The following SGK1 variants were observed in gnomAD, a reference collection of about 807,000 sequenced individuals.
The protein encoded by SGK1 is serine/threonine-protein kinase Sgk1.
In SGK1, 26 loss-of-function variants were observed where a neutral mutation model predicts 64.2. That is an observed-to-expected ratio of 0.40 (90% CI 0.30 to 0.56). The LOEUF (loss-of-function observed/expected upper bound fraction) is 0.56. Ranked by LOEUF, SGK1 falls within the 20% of genes least tolerant of loss-of-function variation. The pLI is 0.38. For synonymous variants in SGK1, 265 were observed against 239.7 expected (o/e 1.11, Z -0.98); for missense variants, 519 against 645.6 (o/e 0.80, Z 2.12).
intron 3 of SGK1, chr6:134,177,559 C>T (rs967718369): frequency 3.1e-5 from 26 of 827,688 alleles, no homozygotes; most frequent in Non-Finnish European, 5.1e-5. Flanking sequence ...AAGAAACCTA[C>T]AACCAGAGAC....
chr6:134,263,284 T>G (rs1776794741), intron 1 of SGK1, among the ~76,000 whole-genome samples: 1 of 152,188 alleles, frequency 6.6e-6, no homozygotes, highest in Non-Finnish European at 1.5e-5. Context: ...TCACCCAGGA[T>G]GGAATGCAGT....
At chr6:134,309,357 G>GTCC (rs1248917620) in intron 1 of SGK1, among the ~76,000 whole-genome samples, 2 of 152,128 alleles carry the variant, frequency 1.3e-5, no homozygotes, top group Non-Finnish European at 2.9e-5. Flanking sequence ...TGCTTTTCCT[G>GTCC]TCCTCCTCCT....
chr6:134,274,840 C>T (rs879831208), intron 1 of SGK1, among the ~76,000 whole-genome samples: 2 of 151,724 alleles, frequency 1.3e-5, no homozygotes, highest in Non-Finnish European at 2.9e-5. Context: ...GAGTCTCACT[C>T]TGTCACCCAG....
chr6:134,178,211 G>A (rs558233929), intron 3 of SGK1, among the ~76,000 whole-genome samples: 1 of 152,326 alleles, frequency 6.6e-6, no homozygotes, highest in East Asian at 1.9e-4. Flanking sequence ...AACGTCTGAT[G>A]TGCTCCTTCC....
intron 2 of SGK1, chr6:134,218,816 G>A (rs17053580): frequency 0.13 from 19,637 of 152,088 alleles, 1,624 homozygotes; most frequent in East Asian, 0.24. Context: ...GGAGTGAGGC[G>A]ATAAGTGGTC....
intron 3 of SGK1, among the ~76,000 whole-genome samples, chr6:134,198,844 G>A (rs1405890048): frequency 6.9e-6 from 1 of 144,692 alleles, no homozygotes; most frequent in Admixed American, 7.3e-5. Context: ...TGATTCCTAA[G>A]TCCCCAGAAA....
At chr6:134,208,689 G>A (rs1416276620) in intron 2 of SGK1, among the ~76,000 whole-genome samples, 6 of 151,688 alleles carry the variant, frequency 4.0e-5, no homozygotes, top group Non-Finnish European at 8.8e-5. Context: ...TTCCATCCAG[G>A]TTGCTGCAAA....
chr6:134,206,032 T>C (rs1775762638), intron 3 of SGK1, among the ~76,000 whole-genome samples: 1 of 152,100 alleles, frequency 6.6e-6, no homozygotes, highest in African/African-American at 2.4e-5. Context: ...ACTCTTTGTC[T>C]AAGCGTAATT....
intron 2 of SGK1, among the ~76,000 whole-genome samples, chr6:134,228,574 AT>A (rs1776224013): frequency 1.3e-5 from 2 of 152,192 alleles, no homozygotes; most frequent in Admixed American, 6.6e-5. Context: ...TCAGAAGCCA[AT>A]TTTTTGTGCC....
chr6:134,213,174 C>T (rs962499998), intron 2 of SGK1, among the ~76,000 whole-genome samples: 1 of 152,124 alleles, frequency 6.6e-6, no homozygotes, highest in Non-Finnish European at 1.5e-5. Context: ...ACAGGCAATG[C>T]TCTATAACTC....
In SGK1 at chr6:134,262,045, G is replaced by C. The variant is rs1776773985; in HGVS notation, c.173C>G (p.Pro58Arg). The change falls in exon 2 of 14, where the codon CCA becomes CGA. Residue 58 changes from proline (P) to arginine (R), a missense_variant. Coordinates refer to ENST00000367858, the MANE Select transcript of SGK1 (RefSeq NM_001143676.3). ...TTGACACAAGGAAGACTCGAAGTCT[G>C]GCTCCCCTGGAGGGATGTGCACCAT... is the stretch of plus-strand genomic sequence containing the variant. ...SSMVHIPPGEPDFESSLCQTC... is the reference protein window; with the variant it reads ...SSMVHIPPGERDFESSLCQTC... 3 of 1,613,944 alleles carry C rather than the reference G, an allele frequency of 1.9e-6. No homozygotes were observed. The East Asian group carries it at 6.7e-5, about 36-fold the overall frequency.
intron 3 of SGK1, chr6:134,177,628 A>G (rs1252318964): frequency 6.4e-7 from 1 of 1,568,646 alleles, no homozygotes; most frequent in South Asian, 1.1e-5. Context: ...AAATCCTTTG[A>G]GGCATCTGCA....
At chr6:134,198,964 C>T (rs1016725197) in intron 3 of SGK1, among the ~76,000 whole-genome samples, 3 of 152,158 alleles carry the variant, frequency 2.0e-5, no homozygotes, top group African/African-American at 4.8e-5. Context: ...TGGCTCACCG[C>T]AGCCTCCAAC....
chr6:134,180,831 C>T (rs530858350), intron 3 of SGK1, among the ~76,000 whole-genome samples: 2 of 150,954 alleles, frequency 1.3e-5, no homozygotes, highest in African/African-American at 4.9e-5. Flanking sequence ...AAGATCTTGC[C>T]ACTGCACTCT....
At chr6:134,218,437 C>CTTTTTTTTTTTTTT (rs71003680) in intron 2 of SGK1, among the ~76,000 whole-genome samples, 3 of 129,174 alleles carry the variant, frequency 2.3e-5, no homozygotes, top group African/African-American at 2.9e-5. Context: ...TTCTTTTTTT[C>CTTTTTTTTTTTTTT]TTTTTTTTTT....
chr6:134,317,512 T>C lies in SGK1; in HGVS notation c.-52A>G. On this transcript the variant is annotated 5_prime_UTR_variant, in exon 1 of 14. It removes the in-frame stop codon of an upstream open reading frame in the 5' UTR. Coordinates refer to ENST00000367858, the MANE Select transcript of SGK1 (RefSeq NM_001143676.3). ...TAGATCCAGGTTGGCACCCGCCTGG[T>C]TAGTGCATATCTGTTTCCCCGGTTT... The C allele has an allele frequency of 2.8e-6, 3 of 1,066,750 alleles. No individual in the cohort carries two copies. The highest frequency in any genetic ancestry group is 4.4e-6 in the Non-Finnish European group (3 of 679,770). The allele number at this position is 1,066,750 out of a possible 1,614,324, so 66.1% of individuals were successfully genotyped here. A position where few individuals can be genotyped will look rare whatever the true frequency, so the allele number is the denominator to read the frequency against.
At chr6:134,225,932 A>C (rs1776168203) in intron 2 of SGK1, among the ~76,000 whole-genome samples, 1 of 147,324 alleles carries the variant, frequency 6.8e-6, no homozygotes, top group Admixed American at 7.2e-5. Context: ...AACAAAAAAA[A>C]CAAAAAAAAA....
chr6:134,306,624 A>G (rs1365606522), intron 1 of SGK1, among the ~76,000 whole-genome samples: 1 of 151,776 alleles, frequency 6.6e-6, no homozygotes, highest in African/African-American at 2.4e-5. Context: ...TCTGGGTTCA[A>G]GTGATCCTGG....
At chr6:134,187,315 C>T (rs571468224) in intron 3 of SGK1, among the ~76,000 whole-genome samples, 2 of 152,160 alleles carry the variant, frequency 1.3e-5, no homozygotes, top group Middle Eastern at 3.2e-3. Flanking sequence ...ACTCCTCCCT[C>T]TGGAACTAAG....
Sources: allele counts gnomAD v4.1 joint callset (sites outside exome capture counted in the v4.1 genomes callset), GRCh38; gene constraint gnomAD v4.1.1; transcripts MANE v1.5; gene names NCBI Gene and HGNC (gene_info 2026-07-23, HGNC 2026-07-21).